SUPT3H: variants seen among roughly 807,000 people sequenced by gnomAD.
The protein encoded by SUPT3H is SPT3 homolog, SAGA and STAGA complex component, also known as transcription initiation protein SPT3 homolog.
In SUPT3H, 44 loss-of-function variants were observed where a neutral mutation model predicts 44.3. The observed-to-expected ratio is 0.99, with a 90% CI of 0.78 to 1.28. SUPT3H has a LOEUF of 1.28. SUPT3H is among the 50% of genes most tolerant of loss of function. The pLI is 0.00. For synonymous variants in SUPT3H, 124 were observed against 125.6 expected, an observed-to-expected ratio of 0.99 and a Z score of 0.09; for missense variants, 380 against 387.1, an observed-to-expected ratio of 0.98 and a Z score of 0.15.
intron 2 of SUPT3H, among the ~76,000 whole-genome samples, chr6:45,130,321 C>T (rs865914882): frequency 2.6e-5 from 4 of 151,996 alleles, no homozygotes; most frequent in South Asian, 2.1e-4. Context: ...AATGTTTTTA[C>T]GGGTCATCCA....
intron 2 of SUPT3H, among the ~76,000 whole-genome samples, chr6:45,199,456 C>CA (rs2153624632): frequency 6.7e-6 from 1 of 150,108 alleles, no homozygotes; most frequent in African/African-American, 2.4e-5. Context: ...TCTTTAACTC[C>CA]ATTAAGATCA....
chr6:44,889,973 A>T (rs1425963092), intron 10 of SUPT3H, among the ~76,000 whole-genome samples: 1 of 151,332 alleles, frequency 6.6e-6, no homozygotes, highest in Non-Finnish European at 1.5e-5. Flanking sequence ...ACTTCTCAAA[A>T]GAAGACATTT....
chr6:45,082,616 C>G lies in SUPT3H; in HGVS notation c.186+23306G>C, dbSNP rs1294542254. Among the ~76,000 whole-genome samples, 3 of 152,196 alleles carry G rather than the reference C, an allele frequency of 2.0e-5. No homozygotes were observed. In the South Asian group the frequency reaches 6.2e-4, roughly 32 times the overall value. ...CACATTCTTTCACGATAAAAGCCCT[C>G]AAGAAACTAGGCATCAAAGGACATA... is the stretch of plus-strand genomic sequence containing the variant. On this transcript the variant is annotated intron_variant, in intron 3 of 10. Transcript: ENST00000371459.
At chr6:44,921,080 T>C (rs1768640185) in intron 10 of SUPT3H, among the ~76,000 whole-genome samples, 1 of 152,210 alleles carries the variant, frequency 6.6e-6, no homozygotes. Flanking sequence ...TCCTTTGCTA[T>C]ATTTGGATAA....
intron 2 of SUPT3H, among the ~76,000 whole-genome samples, chr6:45,175,381 T>G (rs62436782): frequency 1.3e-5 from 2 of 151,924 alleles, no homozygotes; most frequent in East Asian, 1.9e-4. Flanking sequence ...AGCAAGGCAC[T>G]TTCTTCACAA....
chr6:45,181,544 T>G (rs1452428904), intron 2 of SUPT3H, among the ~76,000 whole-genome samples: 2 of 151,792 alleles, frequency 1.3e-5, no homozygotes, highest in Non-Finnish European at 2.9e-5. Context: ...CCATAAAAAA[T>G]GATGAGTTCA....
At chr6:45,175,879 C>A (rs981701730) in intron 2 of SUPT3H, among the ~76,000 whole-genome samples, 1 of 152,172 alleles carries the variant, frequency 6.6e-6, no homozygotes, top group African/African-American at 2.4e-5. Flanking sequence ...CATGTGACAT[C>A]AAGGTTATTG....
intron 10 of SUPT3H, among the ~76,000 whole-genome samples, chr6:44,884,749 G>C (rs1778854300): frequency 6.6e-6 from 1 of 152,142 alleles, no homozygotes; most frequent in African/African-American, 2.4e-5. Context: ...ACTAGGGAGT[G>C]CCAGACAGTG....
At chr6:45,143,678 A>T (rs1805596941) in intron 2 of SUPT3H, among the ~76,000 whole-genome samples, 1 of 152,138 alleles carries the variant, frequency 6.6e-6, no homozygotes, top group African/African-American at 2.4e-5. Flanking sequence ...CAAAGCCAGC[A>T]GAAGAAAATA....
At chr6:44,978,408 T>C (rs541970956) in intron 6 of SUPT3H, among the ~76,000 whole-genome samples, 5 of 152,330 alleles carry the variant, frequency 3.3e-5, no homozygotes, top group Non-Finnish European at 7.3e-5. Flanking sequence ...TTTTAATATG[T>C]AGGTCTATAT....
At chr6:45,312,432 G>A (rs1440946588) in intron 2 of SUPT3H, among the ~76,000 whole-genome samples, 7 of 150,584 alleles carry the variant, frequency 4.6e-5, no homozygotes, top group Non-Finnish European at 5.9e-5. Flanking sequence ...GGAGAATGGC[G>A]TGAACCCAGG....
intron 2 of SUPT3H, among the ~76,000 whole-genome samples, chr6:45,175,525 G>C (rs556141014): frequency 6.6e-6 from 1 of 152,256 alleles, no homozygotes; most frequent in South Asian, 2.1e-4. Flanking sequence ...TTCAAGATGA[G>C]ACATGGGTGT....
chr6:45,026,613 C>G (rs1359586308), intron 3 of SUPT3H, among the ~76,000 whole-genome samples: 1 of 152,132 alleles, frequency 6.6e-6, no homozygotes, highest in Non-Finnish European at 1.5e-5. Context: ...CCTTGCCACA[C>G]TTCTTCTGAA....
chr6:44,967,447 G>A (rs993246766), intron 6 of SUPT3H, among the ~76,000 whole-genome samples: 3 of 152,034 alleles, frequency 2.0e-5, no homozygotes, highest in South Asian at 2.1e-4. Context: ...ACAAACTCTC[G>A]GTACATATTT....
intron 2 of SUPT3H, among the ~76,000 whole-genome samples, chr6:45,219,246 A>G (rs1765590153): frequency 6.6e-6 from 1 of 152,138 alleles, no homozygotes; most frequent in South Asian, 2.1e-4. Context: ...TCATAAAGAT[A>G]AGACACAGAA....
At chr6:45,325,607 C>T (rs1004910549) in intron 2 of SUPT3H, among the ~76,000 whole-genome samples, 4 of 151,360 alleles carry the variant, frequency 2.6e-5, no homozygotes, top group African/African-American at 9.7e-5. Flanking sequence ...CTAACATGTC[C>T]CCAGAGAGGA....
chr6:45,291,557 C>T (rs1014170602), intron 2 of SUPT3H, among the ~76,000 whole-genome samples: 4 of 151,970 alleles, frequency 2.6e-5, no homozygotes, highest in African/African-American at 7.3e-5. Flanking sequence ...AAATATTACA[C>T]GAAGTGAAGG....
At chr6:45,167,114 A>T (rs1052295283) in intron 2 of SUPT3H, among the ~76,000 whole-genome samples, 2 of 152,202 alleles carry the variant, frequency 1.3e-5, no homozygotes, top group Non-Finnish European at 2.9e-5. Context: ...CTGAAAAGAC[A>T]CAATCTTGTA....
At chr6:45,341,544 A>C (rs986405494) in intron 2 of SUPT3H, among the ~76,000 whole-genome samples, 2 of 152,232 alleles carry the variant, frequency 1.3e-5, no homozygotes, top group South Asian at 4.1e-4. Flanking sequence ...ACAAATTTTC[A>C]TATTAGTTTT....
Sources: allele counts gnomAD v4.1 joint callset (sites outside exome capture counted in the v4.1 genomes callset), GRCh38; gene constraint gnomAD v4.1.1; transcripts MANE v1.5; gene names NCBI Gene and HGNC (gene_info 2026-07-23, HGNC 2026-07-21).